EYA1: variants seen among roughly 807,000 people sequenced by gnomAD.
The protein encoded by EYA1 is protein phosphatase EYA1.
A neutral mutation model predicts 82.0 loss-of-function variants in EYA1; 16 were observed. That is an observed-to-expected ratio of 0.20 (90% CI 0.13 to 0.30). The LOEUF is 0.30. Among genes scored for constraint, EYA1 ranks in the 10% least tolerant of loss-of-function variants. The pLI is 1.00. For missense variants in EYA1, 633 were observed against 730.7 expected (o/e 0.87, Z 1.54); for synonymous variants, 261 against 264.4 (o/e 0.99, Z 0.12).
intron 2 of EYA1, chr8:71,403,826 G>C (rs1228165116): frequency 6.6e-6 from 1 of 152,148 alleles, no homozygotes; most frequent in Admixed American, 6.5e-5. Context: ...AAAGGAGGGA[G>C]AAAGCCATAA....
At chr8:71,506,980 A>T (rs541886567) in intron 2 of EYA1, among the ~76,000 whole-genome samples, 8 of 152,270 alleles carry the variant, frequency 5.3e-5, no homozygotes, top group Admixed American at 3.9e-4. Context: ...ATCAACAAAT[A>T]ATAGACAAGA....
chr8:71,376,870 A>G (rs1279128673), intron 2 of EYA1, among the ~76,000 whole-genome samples: 1 of 152,120 alleles, frequency 6.6e-6, no homozygotes. Context: ...AACTAGCCGA[A>G]GCTCCCGCTG....
intron 1 of EYA1, among the ~76,000 whole-genome samples, chr8:71,547,301 T>G (rs1412831465): frequency 2.6e-5 from 4 of 152,028 alleles, no homozygotes; most frequent in Non-Finnish European, 5.9e-5. Flanking sequence ...AATCACAACA[T>G]CATATCAGGC....
chr8:71,207,262 CTT>C (rs1045857670), intron 17 of EYA1, among the ~76,000 whole-genome samples: 7 of 152,140 alleles, frequency 4.6e-5, no homozygotes, highest in African/African-American at 1.7e-4. Flanking sequence ...TACTCATTAT[CTT>C]TTGTGAATGA....
At position 71,356,461 on chromosome 8, in the gene EYA1, C is replaced by A; in HGVS notation, c.-5+1G>T. 2 of 1,583,722 alleles carry A rather than the reference C, an allele frequency of 1.3e-6. No individual in the cohort carries two copies. The highest frequency in any genetic ancestry group is 2.3e-5 in the East Asian group (1 of 43,968). The stretch of plus-strand genomic sequence containing the variant: ...ATGTCAAATATCAACAATATCCTTA[C>A]CTGCAACTTGAGGAAACAGCAACAT... On this transcript the variant is annotated splice_donor_variant, in intron 2 of 17. Coordinates refer to ENST00000340726, the MANE Select transcript of EYA1 (RefSeq NM_000503.6). LOFTEE classifies it low-confidence loss of function (5UTR_SPLICE).
rs574373617 is a variant in EYA1 at position 71,477,501 on chromosome 8, T to A, written c.33+58243A>T. On this transcript the variant is annotated intron_variant, in intron 2 of 18. Transcript: ENST00000643681. ...TCACTAGGGAAATGAAAATCAAAACTGCAACGAGATACCTACCACTCCCTA... is the reference window on the plus strand; with the variant it reads ...TCACTAGGGAAATGAAAATCAAAACAGCAACGAGATACCTACCACTCCCTA... Among the ~76,000 whole-genome samples the A allele has an allele frequency of 1.1e-4, 17 of 151,852 alleles. No homozygotes were observed. The South Asian group carries it at 1.9e-3, about 17-fold the overall frequency.
At chr8:71,366,719 A>G (rs2129085050), upstream of EYA1, among the ~76,000 whole-genome samples, 2 of 152,230 alleles carry the variant, frequency 1.3e-5, no homozygotes, top group Admixed American at 1.3e-4. Flanking sequence ...ATGAATCCTG[A>G]TTTTTTTAAA....
intron 2 of EYA1, among the ~76,000 whole-genome samples, chr8:71,506,840 C>T (rs1305704866): frequency 6.6e-6 from 1 of 151,740 alleles, no homozygotes; most frequent in African/African-American, 2.4e-5. Flanking sequence ...AACTAAATGT[C>T]TAAAACATGC....
intron 2 of EYA1, among the ~76,000 whole-genome samples, chr8:71,492,706 C>A (rs1158589842): frequency 6.6e-6 from 1 of 152,116 alleles, no homozygotes; most frequent in African/African-American, 2.4e-5. Flanking sequence ...ACCTCGTGAT[C>A]CACCCTCCTC....
chr8:71,213,783 T>C (rs982136920), intron 16 of EYA1, among the ~76,000 whole-genome samples: 10 of 152,182 alleles, frequency 6.6e-5, no homozygotes, highest in African/African-American at 2.2e-4. Context: ...GATTTCCCCA[T>C]CAGTTAATTG....
chr8:71,440,380 G>T (rs547885845), intron 2 of EYA1, among the ~76,000 whole-genome samples: 1 of 152,154 alleles, frequency 6.6e-6, no homozygotes, highest in Non-Finnish European at 1.5e-5. Context: ...CTCTTTGAAC[G>T]ACATGGGCAG....
At chr8:71,451,321 T>A (rs978788594) in intron 2 of EYA1, among the ~76,000 whole-genome samples, 4 of 152,210 alleles carry the variant, frequency 2.6e-5, no homozygotes, top group East Asian at 1.9e-4. Flanking sequence ...GAATATTTTT[T>A]AAAAATTTTC....
intron 2 of EYA1, among the ~76,000 whole-genome samples, chr8:71,496,002 G>A (rs1433483887): frequency 6.6e-6 from 1 of 152,104 alleles, no homozygotes; most frequent in African/African-American, 2.4e-5. Context: ...CCTAAACACT[G>A]GTTTTATTCT....
At chr8:71,538,486 A>ATT (rs1814889109) in intron 1 of EYA1, among the ~76,000 whole-genome samples, 1 of 152,240 alleles carries the variant, frequency 6.6e-6, no homozygotes, top group African/African-American at 2.4e-5. Flanking sequence ...TCAACTAGAA[A>ATT]GCATCCACAA....
At chr8:71,462,793 G>A (rs2129191609) in intron 2 of EYA1, among the ~76,000 whole-genome samples, 1 of 152,286 alleles carries the variant, frequency 6.6e-6, no homozygotes, top group South Asian at 2.1e-4. Flanking sequence ...AGTGGGGGTG[G>A]TGCAGTCAGC....
At chr8:71,362,307 T>C, upstream of EYA1, 1 of 638,056 alleles carries the variant, frequency 1.6e-6, no homozygotes, top group Non-Finnish European at 1.9e-6. Context: ...ATTATGTAAA[T>C]GAACGCGCCC....
At chr8:71,484,818 C>T (rs983683356) in intron 2 of EYA1, among the ~76,000 whole-genome samples, 2 of 152,240 alleles carry the variant, frequency 1.3e-5, no homozygotes, top group Non-Finnish European at 2.9e-5. Flanking sequence ...TGTCTTACCA[C>T]CCTCCTTCCA....
At chr8:71,381,703 A>C (rs1586593592) in intron 2 of EYA1, among the ~76,000 whole-genome samples, 2 of 152,320 alleles carry the variant, frequency 1.3e-5, no homozygotes, top group East Asian at 3.9e-4. Flanking sequence ...GTGTGCCTAA[A>C]ATTGCTTTGA....
At chr8:71,523,179 C>CTTT (rs1160944112) in intron 2 of EYA1, among the ~76,000 whole-genome samples, 2 of 119,754 alleles carry the variant, frequency 1.7e-5, no homozygotes, top group Non-Finnish European at 3.6e-5. Context: ...TTTTCTTTTT[C>CTTT]TTTTTTTTTT....
Sources: allele counts gnomAD v4.1 joint callset (sites outside exome capture counted in the v4.1 genomes callset), GRCh38; gene constraint gnomAD v4.1.1; transcripts MANE v1.5; gene names NCBI Gene and HGNC (gene_info 2026-07-23, HGNC 2026-07-21).